IMMP2L: variants seen among roughly 807,000 people sequenced by gnomAD.
IMMP2L encodes mitochondrial inner membrane protease subunit 2.
In IMMP2L, 18 loss-of-function variants were observed where a neutral mutation model predicts 19.3. The observed-to-expected ratio is 0.93, with a 90% confidence interval of 0.64 to 1.38. The LOEUF (loss-of-function observed/expected upper bound fraction) is 1.38, where lower values mean the gene tolerates loss of function less well. IMMP2L is among the 40% of genes most tolerant of loss of function. The pLI is 0.00. For synonymous variants in IMMP2L, 76 were observed against 73.0 expected (o/e 1.04, Z -0.21); for missense variants, 233 against 218.2 (o/e 1.07, Z -0.43).
chr7:110,876,382 G>A (rs951026847), intron 5 of IMMP2L, among the ~76,000 whole-genome samples: 2 of 152,092 alleles, frequency 1.3e-5, no homozygotes, highest in African/African-American at 2.4e-5. Flanking sequence ...ACACTTTGAT[G>A]GAATATTTGC....
chr7:110,750,790 C>T (rs1466507042), intron 5 of IMMP2L, among the ~76,000 whole-genome samples: 1 of 152,084 alleles, frequency 6.6e-6, no homozygotes, highest in South Asian at 2.1e-4. Context: ...GAGGGTGAAA[C>T]TAGTGAGGTG....
chr7:111,480,464 T>C (rs1395929992), intron 3 of IMMP2L, among the ~76,000 whole-genome samples: 2 of 152,000 alleles, frequency 1.3e-5, no homozygotes, highest in East Asian at 3.9e-4. Flanking sequence ...ATAATACCTA[T>C]ACTATCTCAT....
chr7:111,149,927 C>T (rs1803888376), intron 3 of IMMP2L, among the ~76,000 whole-genome samples: 1 of 152,130 alleles, frequency 6.6e-6, no homozygotes, highest in Admixed American at 6.6e-5. Flanking sequence ...CAACTGCTGG[C>T]TATTCTTATA....
intron 3 of IMMP2L, among the ~76,000 whole-genome samples, chr7:111,211,450 T>C (rs1433057547): frequency 1.3e-5 from 2 of 152,248 alleles, no homozygotes; most frequent in Middle Eastern, 3.4e-3. Context: ...GAGTAGGAAA[T>C]AGGCTGGAAT....
At chr7:110,905,287 A>G (rs1248591680) in intron 4 of IMMP2L, among the ~76,000 whole-genome samples, 1 of 152,192 alleles carries the variant, frequency 6.6e-6, no homozygotes, top group Non-Finnish European at 1.5e-5. Context: ...ATCATTGTCA[A>G]GTCTGTGATT....
chr7:111,437,402 G>A (rs921317520), intron 3 of IMMP2L, among the ~76,000 whole-genome samples: 2 of 151,734 alleles, frequency 1.3e-5, no homozygotes, highest in East Asian at 1.9e-4. Flanking sequence ...CCGAGATCAC[G>A]CCCATTGCCC....
chr7:111,521,237 A>G, intron 2 of IMMP2L, 76 bp downstream of exon 2: 1 of 1,414,442 alleles, frequency 7.1e-7, no homozygotes, highest in Admixed American at 2.1e-5. Context: ...TAGGAATAAT[A>G]ATTAGCACTC....
intron 5 of IMMP2L, among the ~76,000 whole-genome samples, chr7:110,745,837 C>G (rs1797302875): frequency 2.0e-5 from 3 of 152,128 alleles, no homozygotes; most frequent in Non-Finnish European, 4.4e-5. Flanking sequence ...GAAGAAACTG[C>G]ATAAACTAAT....
At position 110,942,396 on chromosome 7, in the gene IMMP2L, T is replaced by A. The variant is rs924506158; in HGVS notation, c.305+21104A>T. On this transcript the variant is annotated intron_variant, in intron 4 of 5. Transcript: ENST00000405709. ...TTGGCTTAATTAGCTTTCTTTTTCATGTACAAAGCATATCTGTCTAGTTTT... is the reference window on the plus strand; with the variant it reads ...TTGGCTTAATTAGCTTTCTTTTTCAAGTACAAAGCATATCTGTCTAGTTTT... Among the ~76,000 whole-genome samples, 3 of 151,956 alleles carry A rather than the reference T, an allele frequency of 2.0e-5. No individual in the cohort carries two copies. The East Asian group carries it at 5.8e-4, about 29-fold the overall frequency.
intron 5 of IMMP2L, among the ~76,000 whole-genome samples, chr7:110,741,703 C>T (rs962255490): frequency 6.6e-6 from 1 of 151,962 alleles, no homozygotes; most frequent in Admixed American, 6.6e-5. Context: ...TATGTAACCT[C>T]AATATATTTA....
At chr7:111,257,287 G>A (rs891955522) in intron 3 of IMMP2L, among the ~76,000 whole-genome samples, 1 of 152,032 alleles carries the variant, frequency 6.6e-6, no homozygotes, top group Non-Finnish European at 1.5e-5. Flanking sequence ...TTCAATTACT[G>A]TGTTTTAACT....
At chr7:111,252,264 G>A (rs958071259) in intron 3 of IMMP2L, among the ~76,000 whole-genome samples, 23 of 152,000 alleles carry the variant, frequency 1.5e-4, no homozygotes, top group African/African-American at 4.6e-4. Context: ...ACCAACAAGC[G>A]GAAACAAACT....
At chr7:111,122,976 A>G (rs776949357) in intron 3 of IMMP2L, 1 of 1,614,088 alleles carries the variant, frequency 6.2e-7, no homozygotes. Flanking sequence ...CCAGATTGCC[A>G]GCTAACACAC....
chr7:111,087,404 G>A lies in IMMP2L; in HGVS notation c.240-123839C>T, dbSNP rs565755328. Among the ~76,000 whole-genome samples, 46 of 150,256 alleles carry A rather than the reference G, an allele frequency of 3.1e-4. 1 individual carries two copies. In the South Asian group the frequency reaches 8.9e-3, roughly 29 times the overall value. On this transcript the variant is annotated intron_variant, in intron 3 of 5. Transcript: ENST00000405709. Reference sequence around the variant, plus strand: ...GTGTTGGTTGCAGTGAGCCGAGATCGTGCCACTGCACTCCAGCTTGGGCAA... The same window carrying A: ...GTGTTGGTTGCAGTGAGCCGAGATCATGCCACTGCACTCCAGCTTGGGCAA...
chr7:111,276,593 A>AT (rs1252825408), intron 3 of IMMP2L, among the ~76,000 whole-genome samples: 2 of 145,382 alleles, frequency 1.4e-5, no homozygotes, highest in Non-Finnish European at 3.0e-5. Context: ...TACCAATGTC[A>AT]TTTTTCACAG....
At position 111,368,375 on chromosome 7, in the gene IMMP2L, A is replaced by G. The variant is rs564868204; in HGVS notation, c.239+118863T>C. The stretch of plus-strand genomic sequence containing the variant: ...TCCAGAAAACTCTCTGCTCAGTCCA[A>G]TGGTATAGGGAAGTGAACATATAAC... On this transcript the variant is annotated intron_variant, in intron 3 of 5. Coordinates refer to ENST00000405709, the MANE Select transcript of IMMP2L (RefSeq NM_032549.4). 2.6e-5 allele frequency among the ~76,000 whole-genome samples: 4 copies of G among 152,058 alleles called. No homozygotes were observed. The East Asian group carries it at 7.7e-4, about 29-fold the overall frequency.
At chr7:110,675,092 T>A (rs1312635004) in intron 5 of IMMP2L, among the ~76,000 whole-genome samples, 1 of 152,226 alleles carries the variant, frequency 6.6e-6, no homozygotes, top group Non-Finnish European at 1.5e-5. Flanking sequence ...TTTTATAAAG[T>A]AGCACAACTC....
chr7:111,404,772 C>CA (rs1833775410), intron 3 of IMMP2L, among the ~76,000 whole-genome samples: 1 of 152,024 alleles, frequency 6.6e-6, no homozygotes, highest in East Asian at 1.9e-4. Context: ...GGAATGATGT[C>CA]AATTGGTATT....
At chr7:110,780,618 C>T (rs886873470) in intron 5 of IMMP2L, among the ~76,000 whole-genome samples, 22 of 151,744 alleles carry the variant, frequency 1.4e-4, no homozygotes, top group Non-Finnish European at 2.9e-4. Flanking sequence ...GTTGCCAACT[C>T]ACCTCTATGT....
Sources: allele counts gnomAD v4.1 joint callset (sites outside exome capture counted in the v4.1 genomes callset), GRCh38; gene constraint gnomAD v4.1.1; transcripts MANE v1.5; gene names NCBI Gene and HGNC (gene_info 2026-07-23, HGNC 2026-07-21).